Variants in HMCN2 observed in about 807,000 individuals in gnomAD.
HMCN2 encodes hemicentin 2.
In HMCN2, 325 loss-of-function variants were observed where a neutral mutation model predicts 377.5. The observed-to-expected ratio is 0.86, with a 90% confidence interval of 0.79 to 0.94. The LOEUF is 0.94. Among genes scored for constraint, HMCN2 ranks in the 40% least tolerant of loss-of-function variants. The pLI, the probability that HMCN2 is intolerant of heterozygous loss-of-function variation, is 0.00. For synonymous variants in HMCN2, 2,007 were observed against 2,046.8 expected (o/e 0.98, Z 0.53); for missense variants, 4,543 against 4,725.3 (o/e 0.96, Z 1.13).
rs539855537 is a variant in HMCN2, at chr9:130,419,069, G to A, written c.13231+28G>A. ...ATGGGGCATCCCTGTCTGGACCTTCGTGGACAGAGGCAGGATCTCTTGCCG... is the reference window on the plus strand; with the variant it reads ...ATGGGGCATCCCTGTCTGGACCTTCATGGACAGAGGCAGGATCTCTTGCCG... On this transcript the variant is annotated intron_variant, in intron 86 of 97. Transcript: ENST00000683500. 79 of 1,465,290 alleles carry A rather than the reference G, an allele frequency of 5.4e-5. No homozygotes were observed. In the African/African-American group the frequency reaches 6.5e-4, roughly 12 times the overall value. The allele number at this position is 1,465,290 out of a possible 1,614,324, so 90.8% of individuals were successfully genotyped here.
rs782028827 is a variant in HMCN2 at position 130,285,290 on chromosome 9, C to T, written c.463C>T (p.Arg155Trp). The change falls in exon 3 of 98, where the codon CGG (arginine) becomes TGG (tryptophan). Residue 155 changes from arginine (R) to tryptophan (W), a missense_variant. Around this residue, in one of 5 missense-constraint regions of HMCN2, gnomAD observed 547 missense variants for 189.9 expected, o/e 2.88. Coordinates refer to ENST00000683500, the MANE Select transcript of HMCN2 (RefSeq NM_001291815.2). The stretch of plus-strand genomic sequence containing the variant: ...CTATCACAAGAAGGAAGAGCTGCTG[C>T]GGCTCCTGCAGCTCAAGCAATCACA... ...KDYHKKEELL[R>W]LLQLKQSQVV... 7 of 471,030 alleles carry T rather than the reference C, an allele frequency of 1.5e-5. No individual in the cohort carries two copies. The highest frequency in any genetic ancestry group is 6.9e-5 in the East Asian group (1 of 14,410). The allele number at this position is 471,030 out of a possible 1,614,324, so 29.2% of individuals were successfully genotyped here. A position where few individuals can be genotyped will look rare whatever the true frequency, so the allele number is the denominator to read the frequency against.
chr9:130,409,464 G>A (rs1843297074), intron 84 of HMCN2, among the ~76,000 whole-genome samples: 1 of 152,186 alleles, frequency 6.6e-6, no homozygotes, highest in Non-Finnish European at 1.5e-5. Context: ...TGGTGATTGT[G>A]CAGAAATCCC....
intron 75 of HMCN2, among the ~76,000 whole-genome samples, chr9:130,399,250 CAAAA>C (rs35123847): frequency 7.8e-5 from 6 of 77,038 alleles, no homozygotes; most frequent in Admixed American, 1.2e-4. Flanking sequence ...GAGACTGTCT[CAAAA>C]AAAAAAAAAA....
rs1380463138 is a variant in HMCN2 at position 130,414,916 on chromosome 9, A to C, written c.12962-3856A>C. Among the ~76,000 whole-genome samples the C allele has an allele frequency of 6.6e-6, 1 of 152,032 alleles. No individual in the cohort carries two copies. The highest frequency in any genetic ancestry group is 2.4e-5 in the African/African-American group (1 of 41,402). ...AGGCATGAACCACTGTGCCTGACCA[A>C]GACTGAACTGTCACCACTGTCACCA... On this transcript the variant is annotated intron_variant, in intron 85 of 97. Coordinates refer to ENST00000683500, the MANE Select transcript of HMCN2 (RefSeq NM_001291815.2). The surrounding 1 kb of genome is among the most constrained non-coding windows in gnomAD (Gnocchi z 4.4).
At chr9:130,285,360 G>A (rs782771557) in intron 3 of HMCN2, 44 bp downstream of exon 3, 1 of 467,030 alleles carries the variant, frequency 2.1e-6, no homozygotes, top group South Asian at 1.6e-5. Context: ...GTCCCCCGGG[G>A]GTCCCGAGGA....
rs1361613094 is a variant in HMCN2 at position 130,304,724 on chromosome 9, C to T, written c.1544-6C>T. On this transcript the variant is annotated splice_region_variant and splice_polypyrimidine_tract_variant and intron_variant, in intron 10 of 97. Transcript: ENST00000683500. This position sits in a 1 kb window ranked among gnomAD's most constrained non-coding sequence, Gnocchi z 4.3. ...CTTGGTTCCTCCTGTGCTCATGTCC[C>T]TGCAGACCCCCCGCCGCAGCTGGTC... 1 of 460,874 alleles carries T rather than the reference C, an allele frequency of 2.2e-6. No homozygotes were observed. Among genetic ancestry groups the T allele is most frequent in the Admixed American group, 2.4e-5 (1 of 42,352 alleles). 28.5% of individuals were successfully genotyped at this position (460,874 alleles called of 1,614,324 possible).
intron 93 of HMCN2, 57 bp from the exon 94 acceptor site, chr9:130,429,500 T>G (rs535089515): frequency 6.5e-7 from 1 of 1,546,098 alleles, no homozygotes; most frequent in Non-Finnish European, 8.7e-7. Flanking sequence ...GTCCGTCCCT[T>G]GGGGGAGGGG....
intron 62 of HMCN2, among the ~76,000 whole-genome samples, chr9:130,389,471 T>G (rs1842189742): frequency 6.6e-6 from 1 of 152,230 alleles, no homozygotes; most frequent in Non-Finnish European, 1.5e-5. Context: ...GTTCTGGGCA[T>G]TTCACATTAA....
At chr9:130,288,259 A>AGC (rs1564749918) in intron 4 of HMCN2, among the ~76,000 whole-genome samples, 7 of 151,960 alleles carry the variant, frequency 4.6e-5, no homozygotes, top group Non-Finnish European at 7.4e-5. Flanking sequence ...CAAATCCACT[A>AGC]CTCCCAGCTG....
At chr9:130,297,963 A>AT (rs1304930684) in intron 7 of HMCN2, among the ~76,000 whole-genome samples, 1 of 151,518 alleles carries the variant, frequency 6.6e-6, no homozygotes, top group Non-Finnish European at 1.5e-5. Context: ...ATCCAAGATA[A>AT]TTTTTTTTTG....
Position 130,348,677 on chromosome 9 carries a change from TG to T in HMCN2, c.4155+5del. 1 of 672,204 alleles carries T rather than the reference TG, an allele frequency of 1.5e-6. No individual in the cohort carries two copies. The highest frequency in any genetic ancestry group is 2.4e-6 in the Non-Finnish European group (1 of 422,738). 41.6% of individuals were successfully genotyped at this position (672,204 alleles called of 1,614,324 possible). A position where few individuals can be genotyped will look rare whatever the true frequency, so the allele number is the denominator to read the frequency against. ...GTGTGGCTGAAGGACGCGCAGCTGG[TG>T]GGTGTCCCCCTAGGGTGGGCGGGGT... On this transcript the variant is annotated splice_donor_region_variant and intron_variant, in intron 27 of 97. Coordinates refer to ENST00000683500, the MANE Select transcript of HMCN2 (RefSeq NM_001291815.2).
intron 7 of HMCN2, among the ~76,000 whole-genome samples, chr9:130,298,463 G>A (rs1554932946): frequency 1.3e-5 from 2 of 152,200 alleles, no homozygotes; most frequent in Non-Finnish European, 2.9e-5. Context: ...GTTTGAGGCT[G>A]CAGTGAGCTG....
At position 130,406,151 on chromosome 9, in the gene HMCN2, A is replaced by G; in HGVS notation, c.12536A>G (p.Asn4179Ser). The G allele has an allele frequency of 7.8e-7, 1 of 1,289,836 alleles. No individual in the cohort carries two copies. Among genetic ancestry groups the G allele is most frequent in the Non-Finnish European group, 1.0e-6 (1 of 988,860 alleles). The allele number at this position is 1,289,836 out of a possible 1,614,324, so 79.9% of individuals were successfully genotyped here. The change falls in exon 82 of 98, where the codon AAC (asparagine) becomes AGC (serine). Residue 4179 changes from asparagine (N) to serine (S), a missense_variant. This residue lies in a region of HMCN2 where 1,073 missense variants were observed against 1,319.5 expected (regional missense o/e 0.81). Transcript: ENST00000683500. Reference sequence around the variant, plus strand: ...ACCCCTCGCATTGGCTGGACTGTCAACGACCGGCCAGTCACAGGTCTGGGT... The same window carrying G: ...ACCCCTCGCATTGGCTGGACTGTCAGCGACCGGCCAGTCACAGGTCTGGGT... ...SPTPRIGWTV[N>S]DRPVTEGVSE...
chr9:130,408,071 G>A (rs1843196527), intron 83 of HMCN2, among the ~76,000 whole-genome samples: 1 of 152,226 alleles, frequency 6.6e-6, no homozygotes, highest in Non-Finnish European at 1.5e-5. Flanking sequence ...CCAGAAGCTT[G>A]CCAGCCAGCC....
intron 52 of HMCN2, among the ~76,000 whole-genome samples, chr9:130,376,875 C>A (rs931395968): frequency 1.3e-5 from 2 of 152,124 alleles, no homozygotes; most frequent in Non-Finnish European, 2.9e-5. Flanking sequence ...TGGCTCACTG[C>A]AACCTCTGCC....
intron 40 of HMCN2, among the ~76,000 whole-genome samples, chr9:130,363,932 A>C (rs1444953871): frequency 2.2e-5 from 2 of 89,584 alleles, no homozygotes; most frequent in African/African-American, 6.7e-5. Context: ...GAAAAAGAGA[A>C]GGAAGGAAGG....
chr9:130,385,366 GT>G (rs1588364348), intron 59 of HMCN2, among the ~76,000 whole-genome samples, 193 bp from the exon 60 acceptor site: 2 of 152,076 alleles, frequency 1.3e-5, no homozygotes, highest in East Asian at 3.9e-4. Context: ...GCAGGAGGCT[GT>G]CCCTGGTCAC....
intron 83 of HMCN2, among the ~76,000 whole-genome samples, chr9:130,407,940 A>G (rs1451837576): frequency 3.9e-5 from 6 of 152,196 alleles, no homozygotes; most frequent in Non-Finnish European, 8.8e-5. Context: ...GACACTCCCA[A>G]GACGACCCTG....
Position 130,412,119 on chromosome 9 carries a change from AC to A in HMCN2, c.12961+1468del, listed in dbSNP as rs529469709. ...CCTGAGTGGCTGGGATTATAGGCGC[AC>A]GCCACCACACCCGGCTAATTTTTGT... On this transcript the variant is annotated intron_variant, in intron 85 of 97. Coordinates refer to ENST00000683500, the MANE Select transcript of HMCN2 (RefSeq NM_001291815.2). 1.2e-3 allele frequency among the ~76,000 whole-genome samples: 187 copies of A among 152,154 alleles called. 1 individual carries two copies. Among genetic ancestry groups the A allele is most frequent in the African/African-American group, 4.4e-3 (182 of 41,510 alleles).
Sources: gnomAD v4.1 joint callset for allele counts (sites outside exome capture counted in the v4.1 genomes callset) on GRCh38, gnomAD v4.1.1 for gene constraint, gnomAD v4.1.1 regional missense constraint, Gnocchi (gnomAD v3.1) non-coding constraint, MANE v1.5 for transcripts, NCBI Gene and HGNC (gene_info 2026-07-23, HGNC 2026-07-21) for gene names.